MYH6: variants seen among roughly 807,000 people sequenced by gnomAD.
MYH6 encodes myosin heavy chain 6, also known as myosin-6.
In MYH6, 126 loss-of-function variants were observed where a neutral mutation model predicts 223.2. That is an observed-to-expected ratio of 0.56 (90% CI 0.49 to 0.65). MYH6 has a LOEUF of 0.65. Ranked by LOEUF, MYH6 falls within the 30% of genes least tolerant of loss-of-function variation. The pLI, the probability that MYH6 is intolerant of heterozygous loss-of-function variation, is 0.00. For synonymous variants in MYH6, 978 were observed against 1,010.2 expected (o/e 0.97, Z 0.61); for missense variants, 2,040 against 2,536.4 (o/e 0.80, Z 4.20).
chr14:23,384,114 C>G (rs575178428), intron 36 of MYH6, among the ~76,000 whole-genome samples: 1 of 151,844 alleles, frequency 6.6e-6, no homozygotes, highest in Non-Finnish European at 1.5e-5. Context: ...CCTCCCCTGA[C>G]TCTTATCCCC....
intron 13 of MYH6, 36 bp downstream of exon 13, chr14:23,400,673 G>A (rs762441661): frequency 1.2e-6 from 2 of 1,614,090 alleles, no homozygotes; most frequent in Non-Finnish European, 1.7e-6. Flanking sequence ...GAGCAAGCGA[G>A]TGATTGTTCT....
At position 23,386,360 on chromosome 14, in the gene MYH6, A is replaced by G. The variant is rs178640; in HGVS notation, c.4914T>C (p.Ala1638=). 777,335 of 1,613,716 alleles carry G rather than the reference A, an allele frequency of 0.48. 192,156 individuals carry two copies. Among genetic ancestry groups the G allele is most frequent in the African/African-American group, 0.71 (53,065 of 74,950 alleles). Reference sequence around the variant, plus strand: ...TCTTGACTTGCTTCTGGGCCTCGGCAGCCATGCGGTTGGCGTGGCTGAGCT... The same window carrying G: ...TCTTGACTTGCTTCTGGGCCTCGGCGGCCATGCGGTTGGCGTGGCTGAGCT... The part of the protein sequence containing the change: ...EIQLSHANRM[A]AEAQKQVKSL... Residue 1638 remains alanine (A), a synonymous_variant, in exon 33 of 39, where the codon GCT becomes GCC. Coordinates refer to ENST00000405093, the MANE Select transcript of MYH6 (RefSeq NM_002471.4).
intron 17 of MYH6, 42 bp downstream of exon 17, chr14:23,397,128 T>C: frequency 6.2e-7 from 1 of 1,614,218 alleles, no homozygotes; most frequent in South Asian, 1.1e-5. Flanking sequence ...GTAAAGTGGA[T>C]GCCAGCTGTC....
chr14:23,383,341 G>GGGGGGGGCCCCCCCCCCCCCC, intron 36 of MYH6, 21 bp from the exon 37 acceptor site: 5 of 556,564 alleles, frequency 9.0e-6, no homozygotes, highest in East Asian at 4.9e-5. Flanking sequence ...GAGGGTGGGA[G>GGGGGGGGCCCCCCCCCCCCCC]AAGCTGGTTT....
intron 30 of MYH6, 66 bp from the exon 31 acceptor site, chr14:23,387,989 G>A: frequency 6.2e-7 from 1 of 1,607,378 alleles, no homozygotes; most frequent in Non-Finnish European, 8.5e-7. Flanking sequence ...CTGCTTCCCA[G>A]TGCCCCAGCC....
At chr14:23,391,491 A>C (rs1013537241) in intron 25 of MYH6, among the ~76,000 whole-genome samples, 1 of 152,230 alleles carries the variant, frequency 6.6e-6, no homozygotes, top group Non-Finnish European at 1.5e-5. Context: ...GCATCCAAGA[A>C]GATGGGAGGG....
At chr14:23,387,366 G>A (rs953453551) in intron 32 of MYH6, among the ~76,000 whole-genome samples, 163 bp downstream of exon 32, 5 of 152,206 alleles carry the variant, frequency 3.3e-5, no homozygotes, top group Non-Finnish European at 5.9e-5. Context: ...GCAGACCTTG[G>A]CTTTGGAGGC....
chr14:23,382,164 G>A (rs1890881499), intron 38 of MYH6, 101 bp from the exon 39 acceptor site: 2 of 1,254,412 alleles, frequency 1.6e-6, no homozygotes, highest in African/African-American at 3.0e-5. Context: ...AGATGCCCTT[G>A]GAGGGAGAGG....
At chr14:23,382,374 T>C in intron 38 of MYH6, 54 bp downstream of exon 38, 1 of 1,612,034 alleles carries the variant, frequency 6.2e-7, no homozygotes, top group Non-Finnish European at 8.5e-7. Context: ...GGCACCCATA[T>C]CAGGGGGCAT....
chr14:23,382,682 G>C, intron 37 of MYH6, 120 bp from the exon 38 acceptor site: 1 of 1,435,878 alleles, frequency 7.0e-7, no homozygotes, highest in Non-Finnish European at 9.8e-7. Context: ...GCATATTCCT[G>C]CAACAGCCTT....
chr14:23,405,055 T>G lies in MYH6; in HGVS notation c.530+45A>C, dbSNP rs1485131304. On this transcript the variant is annotated intron_variant, in intron 6 of 38. Coordinates refer to ENST00000405093, the MANE Select transcript of MYH6 (RefSeq NM_002471.4). The surrounding 1 kb of genome is among the most constrained non-coding windows in gnomAD (Gnocchi z 4.7). The stretch of plus-strand genomic sequence containing the variant: ...ACTACACCCTAGGCATCAGCGTGTA[T>G]GCCCCCAGCCCAGTCCCTTCTGTGG... 6.2e-7 allele frequency: 1 copy of G among 1,613,678 alleles called. No individual in the cohort carries two copies. The highest frequency in any genetic ancestry group is 2.2e-5 in the East Asian group (1 of 44,896).
At chr14:23,383,457 G>A in intron 36 of MYH6, 137 bp from the exon 37 acceptor site, 1 of 715,888 alleles carries the variant, frequency 1.4e-6, no homozygotes, top group Non-Finnish European at 2.4e-6. Flanking sequence ...GAGGTGGTGG[G>A]GAAGATTCTC....
chr14:23,382,700 G>C, intron 37 of MYH6, 138 bp from the exon 38 acceptor site: 2 of 1,293,340 alleles, frequency 1.5e-6, no homozygotes, highest in Non-Finnish European at 2.2e-6. Context: ...CTTCCCAAGG[G>C]TATCCTGCAA....
chr14:23,382,184 A>T, intron 38 of MYH6, 121 bp from the exon 39 acceptor site: 2 of 1,176,640 alleles, frequency 1.7e-6, no homozygotes, highest in Non-Finnish European at 2.6e-6. Context: ...GCAGGGCCCC[A>T]GGGATCCTGT....
chr14:23,400,357 T>G lies in MYH6; in HGVS notation c.1480A>C (p.Met494Leu). Residue 494 changes from methionine to leucine, a missense_variant, in exon 14 of 39, where the codon ATG (methionine) becomes CTG (leucine). Physicochemically the swap from Met to Leu is conservative, Grantham distance 15. Around this residue, in one of 4 missense-constraint regions of MYH6, gnomAD observed 649 missense variants for 877.3 expected, o/e 0.74. Coordinates refer to ENST00000405093, the MANE Select transcript of MYH6 (RefSeq NM_002471.4). ...TACTCCTCCTGCTCCAGCACGAACA[T>G]GTGGTGGTTGAAGAACTGCTGCAGC... The part of the protein sequence containing the change: ...EKLQQFFNHH[M>L]FVLEQEEYKK... The G allele has an allele frequency of 5.0e-6, 8 of 1,614,050 alleles. No individual in the cohort carries two copies. Among genetic ancestry groups the G allele is most frequent in the Non-Finnish European group, 6.8e-6 (8 of 1,180,002 alleles).
At chr14:23,391,184 G>A (rs1315095293) in intron 25 of MYH6, among the ~76,000 whole-genome samples, 1 of 152,206 alleles carries the variant, frequency 6.6e-6, no homozygotes, top group Non-Finnish European at 1.5e-5. Context: ...CTAGCCAGGA[G>A]CAAAACGGGG....
In MYH6 at chr14:23,393,839, C is replaced by T; in HGVS notation, c.2755G>A (p.Ala919Thr). 1 of 1,614,238 alleles carries T rather than the reference C, an allele frequency of 6.2e-7. No homozygotes were observed. Among genetic ancestry groups the T allele is most frequent in the Non-Finnish European group, 8.5e-7 (1 of 1,180,048 alleles). Reference protein sequence around the residue: ...QLIKNKIQLEAKVKEMNERLE... With the variant: ...QLIKNKIQLETKVKEMNERLE... ...CTCTCATTCATCTCCTTTACTTTGG[C>T]CTCCAGCTGAATCTTGTTTTTGATC... Residue 919 changes from alanine (A) to threonine (T), a missense_variant, in exon 22 of 39, where the codon GCC becomes ACC. Transcript: ENST00000405093.
In MYH6 at chr14:23,382,412, C is replaced by G. The variant is rs1320289359; in HGVS notation, c.5796+16G>C. The G allele has an allele frequency of 1.2e-6, 2 of 1,613,846 alleles. No individual in the cohort carries two copies. The highest frequency in any genetic ancestry group is 1.7e-6 in the Non-Finnish European group (2 of 1,180,028). On this transcript the variant is annotated intron_variant, in intron 38 of 38. Coordinates refer to ENST00000405093, the MANE Select transcript of MYH6 (RefSeq NM_002471.4). ...TAATGTGGAAGTGACTAGTGAAGCC[C>G]AGGGGAGGGACCCACCTTGGCACCA...
rs1891829364 is a variant in MYH6 at position 23,407,580 on chromosome 14, T to C, written c.-18A>G. The C allele has an allele frequency of 8.3e-7, 1 of 1,200,764 alleles. No individual in the cohort carries two copies. 74.4% of individuals were successfully genotyped at this position (1,200,764 alleles called of 1,614,324 possible). A position where few individuals can be genotyped will look rare whatever the true frequency, so the allele number is the denominator to read the frequency against. ...GAAAATGGGGGCAGTTCTCACCTGGTTATCCCTTCACGGAGAATCCTGAAG... is the reference window on the plus strand; with the variant it reads ...GAAAATGGGGGCAGTTCTCACCTGGCTATCCCTTCACGGAGAATCCTGAAG... On this transcript the variant is annotated 5_prime_UTR_variant, in exon 2 of 39. Transcript: ENST00000405093. The surrounding 1 kb of genome is among the most constrained non-coding windows in gnomAD (Gnocchi z 5.6).
Sources: allele counts gnomAD v4.1 joint callset (sites outside exome capture counted in the v4.1 genomes callset), GRCh38; gene constraint gnomAD v4.1.1; regional missense constraint gnomAD v4.1.1; non-coding constraint Gnocchi (gnomAD v3.1); transcripts MANE v1.5; gene names NCBI Gene and HGNC (gene_info 2026-07-23, HGNC 2026-07-21).